ST6GALNAC3: variants seen among roughly 807,000 people sequenced by gnomAD.
ST6GALNAC3 encodes the protein alpha-N-acetylgalactosaminide alpha-2,6-sialyltransferase 3.
A neutral mutation model predicts 32.7 loss-of-function variants in ST6GALNAC3; 25 were observed. That is an observed-to-expected ratio of 0.76 (90% CI 0.56 to 1.07). The LOEUF (loss-of-function observed/expected upper bound fraction) is 1.07, where lower values mean the gene tolerates loss of function less well. ST6GALNAC3 is among the 50% of genes least tolerant of loss of function. The pLI is 0.00. For missense variants in ST6GALNAC3, 355 were observed against 382.4 expected, an observed-to-expected ratio of 0.93 and a Z score of 0.60; for synonymous variants, 129 against 133.1, an observed-to-expected ratio of 0.97 and a Z score of 0.21.
rs142294252 is a variant in ST6GALNAC3 at position 76,435,438 on chromosome 1, A to G, written c.623+23021A>G. Among the ~76,000 whole-genome samples the G allele has an allele frequency of 1.9e-3, 284 of 152,320 alleles. 2 individuals carry two copies. The highest frequency in any genetic ancestry group is 6.6e-3 in the African/African-American group (276 of 41,600). ...GTGTCTCCTTTTTGAGAAATAAGGA[A>G]TATTCTTTTTCATTTGCTAGAGCAA... On this transcript the variant is annotated intron_variant, in intron 3 of 4. Transcript: ENST00000328299.
chr1:76,556,820 T>TA (rs1664955547), intron 3 of ST6GALNAC3, among the ~76,000 whole-genome samples: 1 of 152,156 alleles, frequency 6.6e-6, no homozygotes, highest in South Asian at 2.1e-4. Context: ...CCTTGTGGGC[T>TA]ATCTTTTCAC....
At chr1:76,217,065 A>G (rs748839537) in intron 1 of ST6GALNAC3, among the ~76,000 whole-genome samples, 1 of 152,264 alleles carries the variant, frequency 6.6e-6, no homozygotes, top group Non-Finnish European at 1.5e-5. Flanking sequence ...TTCATACATG[A>G]TTAAATCCAT....
chr1:76,439,942 T>C (rs1656423956), intron 3 of ST6GALNAC3, among the ~76,000 whole-genome samples: 3 of 152,170 alleles, frequency 2.0e-5, no homozygotes, highest in Non-Finnish European at 2.9e-5. Flanking sequence ...TACTACCTCA[T>C]AGGATTGTAG....
chr1:76,605,170 C>A (rs1325027983), intron 3 of ST6GALNAC3, among the ~76,000 whole-genome samples: 1 of 152,074 alleles, frequency 6.6e-6, no homozygotes, highest in African/African-American at 2.4e-5. Flanking sequence ...GGAGGGCCAA[C>A]AGATTTTTGG....
intron 3 of ST6GALNAC3, among the ~76,000 whole-genome samples, chr1:76,447,420 T>C (rs1370508312): frequency 1.3e-5 from 2 of 152,156 alleles, no homozygotes; most frequent in East Asian, 1.9e-4. Flanking sequence ...CTGACAATGC[T>C]GAAAATTGTC....
chr1:76,120,402 G>A (rs1228202486), intron 1 of ST6GALNAC3, among the ~76,000 whole-genome samples: 1 of 152,166 alleles, frequency 6.6e-6, no homozygotes, highest in Non-Finnish European at 1.5e-5. Context: ...GACTTTAAAA[G>A]GTCTCTGTGA....
At chr1:76,241,117 A>G (rs913656278) in intron 1 of ST6GALNAC3, among the ~76,000 whole-genome samples, 1 of 152,238 alleles carries the variant, frequency 6.6e-6, no homozygotes, top group Non-Finnish European at 1.5e-5. Context: ...TTAGGATAGT[A>G]CATGTCATAA....
chr1:76,182,394 A>G (rs770325235), intron 1 of ST6GALNAC3, among the ~76,000 whole-genome samples: 4 of 152,192 alleles, frequency 2.6e-5, no homozygotes, highest in South Asian at 2.1e-4. Context: ...GTCTTATTGC[A>G]TGATCATTTT....
chr1:76,150,016 G>A (rs550372695), intron 1 of ST6GALNAC3, among the ~76,000 whole-genome samples: 95 of 152,350 alleles, frequency 6.2e-4, no homozygotes, highest in Middle Eastern at 3.4e-3. Flanking sequence ...GCTCTGCTGG[G>A]AAGAATGGGG....
chr1:76,618,167 C>A (rs927198595), intron 3 of ST6GALNAC3, among the ~76,000 whole-genome samples: 1 of 152,150 alleles, frequency 6.6e-6, no homozygotes, highest in Non-Finnish European at 1.5e-5. Flanking sequence ...TCTTATTCTA[C>A]CATTAGAGAA....
At chr1:76,551,502 A>G (rs12062929) in intron 3 of ST6GALNAC3, among the ~76,000 whole-genome samples, 4,381 of 152,170 alleles carry the variant, frequency 0.029, 170 homozygotes, top group African/African-American at 0.09. Flanking sequence ...AATTATTATT[A>G]TTACAGCTTG....
At chr1:76,627,608 G>A (rs370361375) in intron 4 of ST6GALNAC3, 49 bp downstream of exon 4, 366 of 1,297,110 alleles carry the variant, frequency 2.8e-4, no homozygotes, top group Non-Finnish European at 4.0e-4. Context: ...CGGAGATCTT[G>A]TCAAAATATC....
intron 3 of ST6GALNAC3, among the ~76,000 whole-genome samples, chr1:76,609,344 G>T (rs1647770876): frequency 1.3e-5 from 2 of 152,090 alleles, no homozygotes. Context: ...TATATCGCTA[G>T]TATTTTTACA....
chr1:76,309,609 G>A (rs1194961430), intron 1 of ST6GALNAC3, among the ~76,000 whole-genome samples: 1 of 152,176 alleles, frequency 6.6e-6, no homozygotes, highest in Admixed American at 6.5e-5. Context: ...CAGTGTACTT[G>A]AAGGTATGCC....
At position 76,392,633 on chromosome 1, in the gene ST6GALNAC3, A is replaced by C. The variant is rs913675289; in HGVS notation, c.214-19375A>C. Among the ~76,000 whole-genome samples the C allele has an allele frequency of 4.3e-4, 66 of 152,196 alleles. 1 individual carries two copies. On this transcript the variant is annotated intron_variant, in intron 2 of 4. Coordinates refer to ENST00000328299, the MANE Select transcript of ST6GALNAC3 (RefSeq NM_152996.4). ...ACTTCATTAAATAATGGGATTAATC[A>C]GCCTGGGACTGGAGTAAATTAGAGG...
downstream of ST6GALNAC3, among the ~76,000 whole-genome samples, chr1:76,635,493 G>A (rs1339879965): frequency 6.6e-6 from 1 of 152,152 alleles, no homozygotes; most frequent in Admixed American, 6.5e-5. Context: ...TGAAGCACTA[G>A]AGAGATTAAA....
At chr1:76,244,971 T>C (rs1397765565) in intron 1 of ST6GALNAC3, among the ~76,000 whole-genome samples, 1 of 152,180 alleles carries the variant, frequency 6.6e-6, no homozygotes. Flanking sequence ...GAGGAGTCCC[T>C]CTTTTTCTTT....
intron 3 of ST6GALNAC3, among the ~76,000 whole-genome samples, chr1:76,442,708 A>G (rs1377666680): frequency 6.6e-6 from 1 of 152,210 alleles, no homozygotes; most frequent in Non-Finnish European, 1.5e-5. Context: ...CCACTGAACA[A>G]CAAGGTACCT....
intron 3 of ST6GALNAC3, among the ~76,000 whole-genome samples, chr1:76,461,517 C>G (rs919161915): frequency 2.0e-5 from 3 of 152,154 alleles, no homozygotes; most frequent in Non-Finnish European, 4.4e-5. Flanking sequence ...CGTGCTGGAG[C>G]CTTTATATCA....
Sources: gnomAD v4.1 joint callset for allele counts (sites outside exome capture counted in the v4.1 genomes callset) on GRCh38, gnomAD v4.1.1 for gene constraint, MANE v1.5 for transcripts, NCBI Gene and HGNC (gene_info 2026-07-23, HGNC 2026-07-21) for gene names.